ESRRB: variants seen among roughly 807,000 people sequenced by gnomAD.
ESRRB encodes the protein estrogen related receptor beta.
ESRRB carries 16 observed loss-of-function variants against 46.0 expected under a neutral mutation model. That is an observed-to-expected ratio of 0.35 (90% CI 0.24 to 0.53). The LOEUF is 0.53. Ranked by LOEUF, ESRRB falls within the 20% of genes least tolerant of loss-of-function variation. The pLI, the probability that ESRRB is intolerant of heterozygous loss-of-function variation, is 0.93. For synonymous variants in ESRRB, 246 were observed against 259.6 expected (o/e 0.95, Z 0.50); for missense variants, 488 against 607.4 (o/e 0.80, Z 2.07).
intron 1 of ESRRB, among the ~76,000 whole-genome samples, chr14:76,379,720 G>C (rs185635171): frequency 6.6e-6 from 1 of 152,264 alleles, no homozygotes; most frequent in East Asian, 1.9e-4. Context: ...CCGGTCCCGG[G>C]TAAGGCCCTT....
intron 1 of ESRRB, among the ~76,000 whole-genome samples, chr14:76,406,546 C>A (rs978807113): frequency 6.6e-6 from 1 of 152,210 alleles, no homozygotes. Flanking sequence ...GAGTTAGAGA[C>A]CAGCCTAGAC....
intron 3 of ESRRB, among the ~76,000 whole-genome samples, chr14:76,472,399 C>T (rs1889408328): frequency 6.6e-6 from 1 of 152,198 alleles, no homozygotes; most frequent in Admixed American, 6.5e-5. Flanking sequence ...AACACTTATC[C>T]ACCACAGTGC....
chr14:76,483,427 G>T (rs561793638), intron 5 of ESRRB, among the ~76,000 whole-genome samples: 4 of 152,322 alleles, frequency 2.6e-5, no homozygotes, highest in African/African-American at 9.6e-5. Flanking sequence ...GCCTGTCTCT[G>T]GATTGGCTTC....
At chr14:76,432,373 G>C (rs1280826639) in intron 1 of ESRRB, among the ~76,000 whole-genome samples, 1 of 152,232 alleles carries the variant, frequency 6.6e-6, no homozygotes, top group Non-Finnish European at 1.5e-5. Context: ...TGTTGCACCA[G>C]CATCATGAGT....
At chr14:76,437,834 C>G (rs1350179912) in intron 1 of ESRRB, among the ~76,000 whole-genome samples, 2 of 152,180 alleles carry the variant, frequency 1.3e-5, no homozygotes, top group Admixed American at 6.5e-5. Context: ...ATCCTGGGAG[C>G]TGGGATACGG....
chr14:76,413,569 C>A (rs2139867711), intron 1 of ESRRB, among the ~76,000 whole-genome samples: 1 of 152,280 alleles, frequency 6.6e-6, no homozygotes, highest in East Asian at 1.9e-4. Flanking sequence ...TTAGACACTC[C>A]TCTGCACTCG....
intron 1 of ESRRB, among the ~76,000 whole-genome samples, chr14:76,380,011 G>T (rs907724522): frequency 1.3e-5 from 2 of 152,132 alleles, no homozygotes; most frequent in African/African-American, 2.4e-5. Context: ...CAAAGGAGGT[G>T]GCGGTGACAG....
chr14:76,419,595 C>T (rs955766421), intron 1 of ESRRB, among the ~76,000 whole-genome samples: 4 of 152,188 alleles, frequency 2.6e-5, no homozygotes, highest in African/African-American at 9.7e-5. Flanking sequence ...AAGACATTCA[C>T]TTCCTCTCAC....
intron 1 of ESRRB, among the ~76,000 whole-genome samples, chr14:76,313,081 G>T (rs931836717): frequency 6.6e-6 from 1 of 152,082 alleles, no homozygotes; most frequent in Non-Finnish European, 1.5e-5. Context: ...GCTAAAAACT[G>T]CCTCTTCCCT....
intron 3 of ESRRB, among the ~76,000 whole-genome samples, chr14:76,468,781 T>G (rs1008668238): frequency 1.2e-4 from 18 of 152,140 alleles, no homozygotes; most frequent in Admixed American, 8.5e-4. Flanking sequence ...TGAAGTCTGA[T>G]TGTTGATTGG....
chr14:76,370,498 A>T (rs1034177638), upstream of ESRRB, among the ~76,000 whole-genome samples: 4 of 151,952 alleles, frequency 2.6e-5, no homozygotes, highest in South Asian at 2.1e-4. Flanking sequence ...ATAAGAAAAA[A>T]CTCCACAATC....
At chr14:76,378,914 C>G (rs1884893395) in intron 1 of ESRRB, among the ~76,000 whole-genome samples, 2 of 152,122 alleles carry the variant, frequency 1.3e-5, no homozygotes, top group Non-Finnish European at 2.9e-5. Flanking sequence ...AGGGAACATA[C>G]AGTAAGTGGG....
rs148311524 is a variant in ESRRB, at chr14:76,330,592, T to C, written c.2+19676T>C. On this transcript the variant is annotated intron_variant, in intron 1 of 6. Transcript: ENST00000512784. ...CGGGACCCCTCCCTGGCAGCTGGTGTGCAAGTAGACTAAGAATCGAGGAAG... is the reference window on the plus strand; with the variant it reads ...CGGGACCCCTCCCTGGCAGCTGGTGCGCAAGTAGACTAAGAATCGAGGAAG... 3.5e-3 allele frequency among the ~76,000 whole-genome samples: 531 copies of C among 152,244 alleles called. 3 individuals are homozygous for C. The highest frequency in any genetic ancestry group is 6.8e-3 in the Middle Eastern group (2 of 294).
At chr14:76,492,386 C>G (rs1432748615) in intron 6 of ESRRB, among the ~76,000 whole-genome samples, 1 of 152,156 alleles carries the variant, frequency 6.6e-6, no homozygotes, top group African/African-American at 2.4e-5. Context: ...AGGTTGGTCC[C>G]AAACTCCTGG....
chr14:76,452,362 C>T (rs1241437398), intron 2 of ESRRB, among the ~76,000 whole-genome samples: 1 of 152,030 alleles, frequency 6.6e-6, no homozygotes, highest in Non-Finnish European at 1.5e-5. Context: ...CACAGTAGCT[C>T]ACACTTGTAA....
chr14:76,407,200 G>T (rs1886224741), intron 1 of ESRRB, among the ~76,000 whole-genome samples: 1 of 152,226 alleles, frequency 6.6e-6, no homozygotes, highest in African/African-American at 2.4e-5. Context: ...TTCTGAGTCA[G>T]TCGGTTGGGG....
intron 1 of ESRRB, among the ~76,000 whole-genome samples, chr14:76,437,687 C>T (rs568007620): frequency 3.8e-4 from 58 of 152,294 alleles, no homozygotes; most frequent in African/African-American, 1.3e-3. Flanking sequence ...CAACACCACC[C>T]AGGCCACCCT....
At chr14:76,373,802 C>T (rs1884678862), upstream of ESRRB, among the ~76,000 whole-genome samples, 2 of 152,196 alleles carry the variant, frequency 1.3e-5, no homozygotes, top group Non-Finnish European at 2.9e-5. Context: ...AGATAAGGCT[C>T]TGGTTCACCT....
chr14:76,384,160 T>G (rs572374744), intron 1 of ESRRB, among the ~76,000 whole-genome samples: 1 of 152,158 alleles, frequency 6.6e-6, no homozygotes, highest in Non-Finnish European at 1.5e-5. Context: ...TTTATCCTCT[T>G]ACTTTTAGCT....
Sources: gnomAD v4.1 joint callset for allele counts (sites outside exome capture counted in the v4.1 genomes callset) on GRCh38, gnomAD v4.1.1 for gene constraint, MANE v1.5 for transcripts, NCBI Gene and HGNC (gene_info 2026-07-23, HGNC 2026-07-21) for gene names.